Variants in RTN4R observed in about 807,000 individuals in gnomAD.
RTN4R encodes the protein reticulon-4 receptor.
RTN4R carries 4 observed loss-of-function variants against 27.7 expected under a neutral mutation model. The ratio of observed to expected loss-of-function variants is 0.14; its 90% CI spans 0.07 to 0.33. The LOEUF (loss-of-function observed/expected upper bound fraction) is 0.33, where lower values mean the gene tolerates loss of function less well. Among genes scored for constraint, RTN4R ranks in the 10% least tolerant of loss-of-function variants. The pLI, the probability that RTN4R is intolerant of heterozygous loss-of-function variation, is 1.00. For synonymous variants in RTN4R, 290 were observed against 305.6 expected (o/e 0.95, Z 0.53); for missense variants, 554 against 671.5 (o/e 0.83, Z 1.93).
chr22:20,257,667 C>T (rs2051219572), intron 1 of RTN4R, among the ~76,000 whole-genome samples: 1 of 152,256 alleles, frequency 6.6e-6, no homozygotes, highest in African/African-American at 2.4e-5. Flanking sequence ...CTTGATCAGA[C>T]TAATACAACT....
chr22:20,261,501 C>A (rs540533344), intron 1 of RTN4R, among the ~76,000 whole-genome samples: 1 of 152,324 alleles, frequency 6.6e-6, no homozygotes, highest in African/African-American at 2.4e-5. Flanking sequence ...TCCAGCTTCA[C>A]GATAGCCACG....
chr22:20,259,280 A>T (rs957284579), intron 1 of RTN4R, among the ~76,000 whole-genome samples: 1 of 152,200 alleles, frequency 6.6e-6, no homozygotes, highest in African/African-American at 2.4e-5. Flanking sequence ...TCGCGGTGAC[A>T]TCCGGGAGGT....
At chr22:20,243,246 C>T (rs772394438) in intron 1 of RTN4R, 136 bp from the exon 2 acceptor site, 20 of 795,056 alleles carry the variant, frequency 2.5e-5, no homozygotes, top group Non-Finnish European at 4.1e-5. Flanking sequence ...TGGCCACCAC[C>T]CCCGGGAATC....
chr22:20,265,417 C>A (rs1258899898), intron 1 of RTN4R, among the ~76,000 whole-genome samples: 1 of 152,228 alleles, frequency 6.6e-6, no homozygotes, highest in East Asian at 1.9e-4. Flanking sequence ...TCCATGGACC[C>A]TCCACAAGCC....
chr22:20,265,475 C>T (rs1383168425), intron 1 of RTN4R, among the ~76,000 whole-genome samples: 1 of 152,210 alleles, frequency 6.6e-6, no homozygotes, highest in Non-Finnish European at 1.5e-5. Flanking sequence ...TCAGCCTCTC[C>T]CCTGCTTCTC....
chr22:20,245,474 G>A (rs1569035388), intron 1 of RTN4R, among the ~76,000 whole-genome samples: 1 of 152,110 alleles, frequency 6.6e-6, no homozygotes, highest in African/African-American at 2.4e-5. Flanking sequence ...GCCCTGGGAT[G>A]AGGGAGACGC....
At chr22:20,265,346 C>A (rs1042398045) in intron 1 of RTN4R, among the ~76,000 whole-genome samples, 4 of 152,188 alleles carry the variant, frequency 2.6e-5, no homozygotes, top group Non-Finnish European at 5.9e-5. Flanking sequence ...CAGTTCCCAG[C>A]CTCCCAGGAC....
intron 1 of RTN4R, among the ~76,000 whole-genome samples, chr22:20,247,979 C>T (rs1312712474): frequency 2.0e-5 from 3 of 152,172 alleles, no homozygotes; most frequent in Admixed American, 6.5e-5. Flanking sequence ...GTCCCTGCCC[C>T]GTGATGCTGG....
chr22:20,256,346 G>A (rs944467549), intron 1 of RTN4R, among the ~76,000 whole-genome samples: 1 of 152,202 alleles, frequency 6.6e-6, no homozygotes, highest in African/African-American at 2.4e-5. Context: ...ATCCCCCCAT[G>A]TAAGCCCCAA....
chr22:20,246,788 C>T (rs971839898), intron 1 of RTN4R, among the ~76,000 whole-genome samples: 1 of 152,240 alleles, frequency 6.6e-6, no homozygotes, highest in African/African-American at 2.4e-5. Context: ...CGCCGAGCAC[C>T]GGCTTTCATC....
chr22:20,247,287 C>T (rs951173582), intron 1 of RTN4R, among the ~76,000 whole-genome samples: 15 of 152,120 alleles, frequency 9.9e-5, no homozygotes, highest in African/African-American at 2.4e-4. Context: ...GCCATGTCCC[C>T]GTCAGGCGGT....
Position 20,243,612 on chromosome 22 carries a change from G to A in RTN4R, c.23-502C>T, listed in dbSNP as rs1030318623. ...CTGGATGCCCGAGGGCGGGGGTGGAGGGCAAGTGTGTCCAGGGCTTAGGAG... is the reference window on the plus strand; with the variant it reads ...CTGGATGCCCGAGGGCGGGGGTGGAAGGCAAGTGTGTCCAGGGCTTAGGAG... On this transcript the variant is annotated intron_variant, in intron 1 of 1. Coordinates refer to ENST00000043402, the MANE Select transcript of RTN4R (RefSeq NM_023004.6). The A allele has an allele frequency of 3.5e-5, 15 of 434,238 alleles. No individual in the cohort carries two copies. The East Asian group carries it at 1.1e-3, about 31-fold the overall frequency. 26.9% of individuals were successfully genotyped at this position (434,238 alleles called of 1,614,324 possible).
At chr22:20,244,276 C>T (rs2051127370) in intron 1 of RTN4R, among the ~76,000 whole-genome samples, 1 of 152,220 alleles carries the variant, frequency 6.6e-6, no homozygotes, top group African/African-American at 2.4e-5. Flanking sequence ...AAGGAGTGGA[C>T]CACAGGCCAG....
chr22:20,268,233 CGCTCCGCCCGGCTCTGG>C lies in RTN4R; in HGVS notation c.-158_-142del. 9.0e-6 allele frequency: 1 copy of C among 110,686 alleles called. No individual in the cohort carries two copies. The highest frequency in any genetic ancestry group is 6.3e-5 in the African/African-American group (1 of 15,840). 6.9% of individuals were successfully genotyped at this position (110,686 alleles called of 1,614,324 possible). ...CCGCGGGACGAGGCTCGGCGCGCTC[CGCTCCGCCCGGCTCTGG>C]CTGGGCTCGGGCCGCGGGTGCGCAG... On this transcript the variant is annotated 5_prime_UTR_variant, in exon 1 of 2. Coordinates refer to ENST00000043402, the MANE Select transcript of RTN4R (RefSeq NM_023004.6).
intron 1 of RTN4R, among the ~76,000 whole-genome samples, chr22:20,259,299 G>A (rs1332751942): frequency 2.6e-5 from 4 of 152,186 alleles, no homozygotes; most frequent in Non-Finnish European, 5.9e-5. Flanking sequence ...GTATGTAGAT[G>A]GAATATCTTT....
At chr22:20,251,246 A>G (rs1357565774) in intron 1 of RTN4R, among the ~76,000 whole-genome samples, 2 of 151,730 alleles carry the variant, frequency 1.3e-5, no homozygotes, top group Admixed American at 6.5e-5. Context: ...TGTACTTCCC[A>G]GGACATCAGG....
At chr22:20,260,766 G>T (rs1338003866) in intron 1 of RTN4R, among the ~76,000 whole-genome samples, 5 of 152,318 alleles carry the variant, frequency 3.3e-5, no homozygotes, top group African/African-American at 1.2e-4. Context: ...CAAGTGAAGG[G>T]CGGGACAGAA....
At chr22:20,263,448 C>T (rs1468129192) in intron 1 of RTN4R, among the ~76,000 whole-genome samples, 1 of 152,242 alleles carries the variant, frequency 6.6e-6, no homozygotes, top group Non-Finnish European at 1.5e-5. Flanking sequence ...CACATTTGAC[C>T]ACAAAGCCCT....
chr22:20,267,537 G>A (rs2051285293), intron 1 of RTN4R: 1 of 455,342 alleles, frequency 2.2e-6, no homozygotes, highest in South Asian at 1.6e-5. Context: ...CCTGGAGGCA[G>A]CGCTGGGACA....
Sources: allele counts gnomAD v4.1 joint callset (sites outside exome capture counted in the v4.1 genomes callset), GRCh38; gene constraint gnomAD v4.1.1; transcripts MANE v1.5; gene names NCBI Gene and HGNC (gene_info 2026-07-23, HGNC 2026-07-21).